The following SLC8A1 variants were observed in gnomAD, a reference collection of about 807,000 sequenced individuals.
SLC8A1 encodes the protein solute carrier family 8 member A1.
SLC8A1 carries 18 observed loss-of-function variants against 68.3 expected under a neutral mutation model. The ratio of observed to expected loss-of-function variants is 0.26; its 90% confidence interval spans 0.18 to 0.39. SLC8A1 has a LOEUF of 0.39. Ranked by LOEUF, SLC8A1 falls within the 10% of genes least tolerant of loss-of-function variation. The probability of loss-of-function intolerance (pLI) is 1.00; values close to 1 mark genes in which losing one functional copy is unlikely to be tolerated. For synonymous variants in SLC8A1, 475 were observed against 415.5 expected (o/e 1.14, Z -1.74); for missense variants, 985 against 1,156.7 (o/e 0.85, Z 2.15).
At chr2:40,302,031 C>CTG (rs374407377) in intron 2 of SLC8A1, among the ~76,000 whole-genome samples, 11,149 of 132,158 alleles carry the variant, frequency 0.084, 448 homozygotes, top group South Asian at 0.11. Flanking sequence ...CCGGGCTAAT[C>CTG]TGTGTGTGTG....
At chr2:40,259,418 A>G (rs937676517) in intron 2 of SLC8A1, among the ~76,000 whole-genome samples, 7 of 152,154 alleles carry the variant, frequency 4.6e-5, no homozygotes, top group South Asian at 4.1e-4. Context: ...TTTTAATCCC[A>G]TTTCTTTCTA....
At chr2:40,109,537 G>C (rs2034432360) in exon 8 of SLC8A1, 1 of 152,106 alleles carries the variant, frequency 6.6e-6, no homozygotes, top group African/African-American at 2.4e-5. Context: ...CTCTTATCTA[G>C]GTGGAATGTC....
At chr2:40,432,005 A>T (rs1345191220) in intron 1 of SLC8A1, among the ~76,000 whole-genome samples, 1 of 152,138 alleles carries the variant, frequency 6.6e-6, no homozygotes, top group Non-Finnish European at 1.5e-5. Flanking sequence ...AAAACTAAGT[A>T]AAAGGCTGAA....
chr2:40,277,402 T>A (rs758181521), intron 2 of SLC8A1, among the ~76,000 whole-genome samples: 5 of 151,898 alleles, frequency 3.3e-5, no homozygotes, highest in Non-Finnish European at 5.9e-5. Context: ...TAGCCAGGCG[T>A]GGTGGTGGGT....
At chr2:40,491,645 A>C (rs1471669100) in intron 1 of SLC8A1, among the ~76,000 whole-genome samples, 1 of 152,102 alleles carries the variant, frequency 6.6e-6, no homozygotes, top group South Asian at 2.1e-4. Context: ...TCTTACTGAG[A>C]TACGTCCCAT....
chr2:40,175,237 A>G, intron 3 of SLC8A1, 24 bp downstream of exon 4: 8 of 1,610,620 alleles, frequency 5.0e-6, no homozygotes, highest in Non-Finnish European at 6.8e-6. Flanking sequence ...AATGGAAAGG[A>G]AATGCAAGAA....
intron 6 of SLC8A1, among the ~76,000 whole-genome samples, chr2:40,148,336 C>G (rs1239895102): frequency 6.6e-6 from 1 of 152,178 alleles, no homozygotes; most frequent in African/African-American, 2.4e-5. Flanking sequence ...AAACATCTGT[C>G]TCTCTGGGCA....
exon 8 of SLC8A1, chr2:40,099,044 T>C (rs2033740585): frequency 1.3e-5 from 2 of 152,030 alleles, no homozygotes; most frequent in African/African-American, 2.4e-5. Flanking sequence ...TTAGTGCATT[T>C]TTTTGAACCT....
chr2:40,198,575 A>T (rs547820907), intron 2 of SLC8A1, among the ~76,000 whole-genome samples: 1 of 152,006 alleles, frequency 6.6e-6, no homozygotes, highest in African/African-American at 2.4e-5. Flanking sequence ...GACCCAGAGT[A>T]TAAATACAGA....
intron 2 of SLC8A1, among the ~76,000 whole-genome samples, chr2:40,383,821 T>C (rs1162721397): frequency 6.6e-6 from 1 of 152,132 alleles, no homozygotes; most frequent in Non-Finnish European, 1.5e-5. Context: ...AGGGAAATTG[T>C]CATAATTAAT....
chr2:40,416,721 G>C (rs182082078), intron 2 of SLC8A1, among the ~76,000 whole-genome samples: 1,750 of 152,090 alleles, frequency 0.012, 12 homozygotes, highest in Middle Eastern at 0.017. Context: ...GAGCCAAGTT[G>C]GTTCTGGAAC....
At chr2:40,112,518 T>C (rs2034663500) in exon 8 of SLC8A1, 3 of 152,644 alleles carry the variant, frequency 2.0e-5, no homozygotes, top group African/African-American at 7.2e-5. Context: ...AAGTTCTCTG[T>C]GAAAATTTGC....
At chr2:40,482,928 C>G (rs1037781082) in intron 1 of SLC8A1, among the ~76,000 whole-genome samples, 4 of 150,244 alleles carry the variant, frequency 2.7e-5, no homozygotes, top group African/African-American at 9.8e-5. Context: ...GTAGCTGGGA[C>G]TACAGGCGCC....
chr2:40,312,996 C>G (rs2073940720), intron 2 of SLC8A1, among the ~76,000 whole-genome samples: 1 of 151,878 alleles, frequency 6.6e-6, no homozygotes, highest in Non-Finnish European at 1.5e-5. Context: ...TATACATATG[C>G]TGCATATACT....
intron 2 of SLC8A1, among the ~76,000 whole-genome samples, chr2:40,300,727 C>A (rs2071300284): frequency 6.6e-6 from 1 of 152,086 alleles, no homozygotes; most frequent in South Asian, 2.1e-4. Flanking sequence ...TCTCCAGGAG[C>A]AAAGTCAGGA....
chr2:40,299,349 T>C (rs1199448898), intron 2 of SLC8A1, among the ~76,000 whole-genome samples: 3 of 152,144 alleles, frequency 2.0e-5, no homozygotes, highest in Admixed American at 6.6e-5. Context: ...TTATTAAAGA[T>C]AGGTTTAGTC....
At chr2:40,433,998 C>T (rs947882149) in intron 1 of SLC8A1, among the ~76,000 whole-genome samples, 6 of 152,152 alleles carry the variant, frequency 3.9e-5, no homozygotes, top group African/African-American at 1.4e-4. Flanking sequence ...GACAGCTGCC[C>T]TTCAATCTGG....
At chr2:40,125,270 T>A (rs1304586309) in intron 7 of SLC8A1, among the ~76,000 whole-genome samples, 1 of 152,104 alleles carries the variant, frequency 6.6e-6, no homozygotes, top group Non-Finnish European at 1.5e-5. Flanking sequence ...CAGGTGCATC[T>A]CGAAGGGTGT....
intron 1 of SLC8A1, among the ~76,000 whole-genome samples, chr2:40,443,592 T>C (rs1163686383): frequency 6.6e-6 from 1 of 152,200 alleles, no homozygotes. Flanking sequence ...CAAGACTTTT[T>C]CTCTCTGAGG....
Sources: allele counts gnomAD v4.1 joint callset (sites outside exome capture counted in the v4.1 genomes callset), GRCh38; gene constraint gnomAD v4.1.1; transcripts MANE v1.5; gene names NCBI Gene and HGNC (gene_info 2026-07-23, HGNC 2026-07-21).